SYT16: variants seen among roughly 807,000 people sequenced by gnomAD.
SYT16 encodes the protein synaptotagmin-16.
A neutral mutation model predicts 61.4 loss-of-function variants in SYT16; 42 were observed. The ratio of observed to expected loss-of-function variants is 0.68; its 90% CI spans 0.53 to 0.89. The LOEUF is 0.89. Among genes scored for constraint, SYT16 ranks in the 40% least tolerant of loss-of-function variants. The probability of loss-of-function intolerance (pLI) is 0.00; values close to 1 mark genes in which losing one functional copy is unlikely to be tolerated. For synonymous variants in SYT16, 314 were observed against 302.3 expected (o/e 1.04, Z -0.40); for missense variants, 804 against 807.3 (o/e 1.00, Z 0.05).
chr14:62,109,367 C>G lies in SYT16; in HGVS notation c.*8660C>G, dbSNP rs1355103253. On this transcript the variant is annotated 3_prime_UTR_variant, in exon 8 of 8. Coordinates refer to ENST00000683842, the MANE Select transcript of SYT16 (RefSeq NM_001367656.1). ...CTTGATAGTTCATTTATTTTAAGTGCTGAATAATATTTCATTGTCTGGTTG... is the reference window on the plus strand; with the variant it reads ...CTTGATAGTTCATTTATTTTAAGTGGTGAATAATATTTCATTGTCTGGTTG... 13 of 150,182 alleles carry G rather than the reference C, an allele frequency of 8.7e-5. No homozygotes were observed. The highest frequency in any genetic ancestry group is 3.2e-4 in the African/African-American group (13 of 40,884). The allele number at this position is 150,182 out of a possible 1,614,324, so 9.3% of individuals were successfully genotyped here.
At chr14:62,010,254 TAAATA>T (rs2140698482) in intron 3 of SYT16, among the ~76,000 whole-genome samples, 1 of 152,136 alleles carries the variant, frequency 6.6e-6, no homozygotes, top group African/African-American at 2.4e-5. Flanking sequence ...GCCAAACAAA[TAAATA>T]TAACATGTCA....
chr14:61,864,775 G>A, intron 1 of SYT16: 1 of 936,770 alleles, frequency 1.1e-6, no homozygotes, highest in Non-Finnish European at 1.7e-6. Flanking sequence ...CTGGCCGGTT[G>A]GGCCCTAGTG....
intron 3 of SYT16, among the ~76,000 whole-genome samples, chr14:62,031,423 C>A (rs948759081): frequency 5.3e-5 from 8 of 152,134 alleles, no homozygotes; most frequent in African/African-American, 1.9e-4. Flanking sequence ...GAAAATAGTT[C>A]AACTTCATTT....
chr14:61,874,448 T>C (rs1594802990), intron 1 of SYT16, among the ~76,000 whole-genome samples: 1 of 152,142 alleles, frequency 6.6e-6, no homozygotes, highest in East Asian at 1.9e-4. Flanking sequence ...GAGGGGGTGA[T>C]GGTTCCTAGA....
intron 1 of SYT16, among the ~76,000 whole-genome samples, chr14:61,845,266 C>A (rs986251030): frequency 2.2e-4 from 33 of 152,170 alleles, no homozygotes; most frequent in African/African-American, 7.9e-4. Flanking sequence ...CCAGGCTGGT[C>A]TTGAACTCCT....
chr14:61,913,757 G>A (rs1041004926), intron 1 of SYT16, among the ~76,000 whole-genome samples: 4 of 127,540 alleles, frequency 3.1e-5, no homozygotes, highest in Non-Finnish European at 6.8e-5. Context: ...AAGTTACAGG[G>A]ACGAACTTGC....
chr14:62,012,504 T>A (rs2053509246), intron 3 of SYT16, among the ~76,000 whole-genome samples: 1 of 152,202 alleles, frequency 6.6e-6, no homozygotes, highest in Admixed American at 6.5e-5. Context: ...TCACCTGTGC[T>A]ATATTCTACT....
chr14:62,034,608 A>G (rs1042016749), intron 3 of SYT16, among the ~76,000 whole-genome samples: 1 of 151,974 alleles, frequency 6.6e-6, no homozygotes, highest in East Asian at 1.9e-4. Flanking sequence ...AAGAGGCCAC[A>G]TATTATATGA....
intron 7 of SYT16, among the ~76,000 whole-genome samples, chr14:62,085,841 T>C (rs528939783): frequency 6.6e-6 from 1 of 152,342 alleles, no homozygotes; most frequent in South Asian, 2.1e-4. Context: ...TAGACTCTTT[T>C]TGCTAGATAC....
intron 3 of SYT16, among the ~76,000 whole-genome samples, chr14:62,027,841 A>T (rs757210804): frequency 2.6e-5 from 4 of 152,208 alleles, no homozygotes; most frequent in Non-Finnish European, 5.9e-5. Flanking sequence ...GCTGCTTGAA[A>T]AGAGCCTTTT....
intron 3 of SYT16, among the ~76,000 whole-genome samples, chr14:62,065,010 C>T (rs796440444): frequency 2.3e-4 from 35 of 152,274 alleles, no homozygotes; most frequent in African/African-American, 7.5e-4. Context: ...TAGAATAGCA[C>T]GTGTGGATGT....
chr14:61,893,688 C>G (rs527255892), intron 1 of SYT16, among the ~76,000 whole-genome samples: 1 of 152,326 alleles, frequency 6.6e-6, no homozygotes, highest in East Asian at 1.9e-4. Flanking sequence ...ACTGTAGGCT[C>G]CCATTTTCCA....
intron 1 of SYT16, among the ~76,000 whole-genome samples, chr14:61,874,426 A>AT (rs1594802906): frequency 6.6e-6 from 1 of 152,060 alleles, no homozygotes; most frequent in East Asian, 1.9e-4. Flanking sequence ...GTGTATGTGG[A>AT]TTTTTTTATA....
At chr14:61,988,019 A>T (rs577272662) in intron 2 of SYT16, among the ~76,000 whole-genome samples, 1 of 152,070 alleles carries the variant, frequency 6.6e-6, no homozygotes, top group South Asian at 2.1e-4. Context: ...TTGTGTCTGC[A>T]TTTTGCCTTC....
chr14:62,044,226 A>G (rs2054868861), intron 3 of SYT16, among the ~76,000 whole-genome samples: 1 of 151,824 alleles, frequency 6.6e-6, no homozygotes, highest in Non-Finnish European at 1.5e-5. Context: ...AGGAAACGAA[A>G]GAGAAATTAC....
At chr14:62,016,152 C>T (rs1212296470) in intron 3 of SYT16, among the ~76,000 whole-genome samples, 1 of 152,090 alleles carries the variant, frequency 6.6e-6, no homozygotes, top group Admixed American at 6.6e-5. Context: ...AACAAAAGAT[C>T]AAGGGAGCAG....
chr14:61,915,944 G>C (rs768839230), intron 1 of SYT16, among the ~76,000 whole-genome samples: 2 of 152,176 alleles, frequency 1.3e-5, no homozygotes, highest in Non-Finnish European at 2.9e-5. Context: ...AAAAGAAATA[G>C]TACAACGTGA....
intron 1 of SYT16, among the ~76,000 whole-genome samples, chr14:61,936,585 T>C (rs2049991617): frequency 6.6e-6 from 1 of 152,162 alleles, no homozygotes; most frequent in Admixed American, 6.6e-5. Context: ...ATAGAGAATT[T>C]GCATTTTAGA....
intron 7 of SYT16, among the ~76,000 whole-genome samples, chr14:62,090,589 A>G (rs2057038638): frequency 6.6e-6 from 1 of 152,216 alleles, no homozygotes; most frequent in African/African-American, 2.4e-5. Flanking sequence ...AGTCATGGCC[A>G]TTTCATATGA....
Sources: allele counts gnomAD v4.1 joint callset (sites outside exome capture counted in the v4.1 genomes callset), GRCh38; gene constraint gnomAD v4.1.1; transcripts MANE v1.5; gene names NCBI Gene and HGNC (gene_info 2026-07-23, HGNC 2026-07-21).